The following LYPLAL1 variants were observed in gnomAD, a reference collection of about 807,000 sequenced individuals.
LYPLAL1 encodes the protein lysophospholipase-like protein 1.
In LYPLAL1, 23 loss-of-function variants were observed where a neutral mutation model predicts 19.7. The observed-to-expected ratio is 1.17, with a 90% CI of 0.84 to 1.65. The LOEUF is 1.65. LYPLAL1 is among the 40% of genes most tolerant of loss of function. LYPLAL1 has a pLI of 0.00. For synonymous variants in LYPLAL1, 119 were observed against 96.3 expected (o/e 1.24, Z -1.38); for missense variants, 355 against 279.4 (o/e 1.27, Z -1.93).
chr1:219,323,060 AACT>A, the LYPLAL1 span, among the ~76,000 whole-genome samples: 1 of 152,208 alleles, frequency 6.6e-6, no homozygotes, highest in Non-Finnish European at 1.5e-5. Context: ...AAGCAAGCAC[AACT>A]ATTTAGCTAA....
Position 219,211,573 on chromosome 1 carries a change from G to A in LYPLAL1, c.559G>A (p.Ala187Thr), listed in dbSNP as rs965924456. The stretch of plus-strand genomic sequence containing the variant: ...AGATGAGTTAGTTCTTCATTCTTGG[G>A]CAGAAGAGACAAACTCAATGTTAAA... ...TADELVLHSW[A>T]EETNSMLKSL... Residue 187 changes from alanine (A) to threonine (T), a missense_variant, in exon 5 of 5, where the codon GCA (alanine) becomes ACA (threonine). By Grantham distance (58) the Ala-to-Thr change is moderately conservative. Transcript: ENST00000366928. The A allele has an allele frequency of 1.9e-6, 3 of 1,613,138 alleles. No homozygotes were observed. The highest frequency in any genetic ancestry group is 2.7e-5 in the African/African-American group (2 of 74,870).
chr1:219,174,950 A>G (rs1655690083), intron 1 of LYPLAL1: 4 of 985,472 alleles, frequency 4.1e-6, no homozygotes, highest in Non-Finnish European at 4.8e-6. Context: ...GTGGTTAGGC[A>G]TTATTAAGGC....
chr1:219,387,903 C>T, the LYPLAL1 span, among the ~76,000 whole-genome samples: 9 of 152,256 alleles, frequency 5.9e-5, no homozygotes, highest in African/African-American at 2.2e-4. Flanking sequence ...TGAAAAATGA[C>T]CTAGATTCGG....
At chr1:219,443,085 A>G in the LYPLAL1 span, among the ~76,000 whole-genome samples, 3 of 99,672 alleles carry the variant, frequency 3.0e-5, no homozygotes, top group East Asian at 2.7e-4. Flanking sequence ...TTTCTGCTGG[A>G]AAAAAAAAAA....
chr1:219,327,826 C>T, the LYPLAL1 span, among the ~76,000 whole-genome samples: 54 of 152,182 alleles, frequency 3.5e-4, no homozygotes, highest in South Asian at 0.011. Flanking sequence ...TCTCTCTTTG[C>T]CTGCCACCAT....
chr1:219,405,405 T>G, the LYPLAL1 span, among the ~76,000 whole-genome samples: 3 of 152,310 alleles, frequency 2.0e-5, no homozygotes, highest in Non-Finnish European at 4.4e-5. Flanking sequence ...GCATACTCTT[T>G]GAAAATTTCA....
chr1:219,442,863 AT>A, the LYPLAL1 span, among the ~76,000 whole-genome samples: 1 of 152,112 alleles, frequency 6.6e-6, no homozygotes, highest in African/African-American at 2.4e-5. Flanking sequence ...GGTGATTTTT[AT>A]CTTCCGACTT....
At chr1:219,195,557 C>T (rs765012124) in intron 3 of LYPLAL1, among the ~76,000 whole-genome samples, 6 of 152,098 alleles carry the variant, frequency 3.9e-5, no homozygotes, top group Non-Finnish European at 8.8e-5. Flanking sequence ...TCTCTTGCCC[C>T]ATCCTCTCTC....
downstream of LYPLAL1, among the ~76,000 whole-genome samples, chr1:219,213,278 T>A (rs1005456368): frequency 2.6e-5 from 4 of 152,026 alleles, no homozygotes; most frequent in Admixed American, 1.3e-4. Context: ...TTCCATTGAT[T>A]TATGTATCCA....
the LYPLAL1 span, among the ~76,000 whole-genome samples, chr1:219,339,913 A>G: frequency 6.6e-6 from 1 of 152,158 alleles, no homozygotes; most frequent in African/African-American, 2.4e-5. Context: ...ACATATTGGC[A>G]AGAACTTGAG....
At chr1:219,248,377 G>C in the LYPLAL1 span, among the ~76,000 whole-genome samples, 3 of 152,102 alleles carry the variant, frequency 2.0e-5, no homozygotes, top group Non-Finnish European at 4.4e-5. Flanking sequence ...TTTTAAAATA[G>C]AAATTAGCAT....
the LYPLAL1 span, among the ~76,000 whole-genome samples, chr1:219,237,408 G>A: frequency 6.6e-5 from 10 of 152,286 alleles, no homozygotes; most frequent in Non-Finnish European, 1.3e-4. Flanking sequence ...AAAAAAGCCT[G>A]GGGAAAAGTT....
the LYPLAL1 span, among the ~76,000 whole-genome samples, chr1:219,423,726 A>C: frequency 6.6e-6 from 1 of 152,168 alleles, no homozygotes; most frequent in Non-Finnish European, 1.5e-5. Context: ...ATATCAAAGC[A>C]TGTTACAAAT....
At chr1:219,435,593 G>A in the LYPLAL1 span, among the ~76,000 whole-genome samples, 1 of 152,044 alleles carries the variant, frequency 6.6e-6, no homozygotes, top group African/African-American at 2.4e-5. Context: ...TTGGGAGGCC[G>A]AGGCAGGCGG....
At chr1:219,263,650 T>TA in the LYPLAL1 span, among the ~76,000 whole-genome samples, 1 of 152,132 alleles carries the variant, frequency 6.6e-6, no homozygotes, top group Non-Finnish European at 1.5e-5. Flanking sequence ...CCCTGTGAGA[T>TA]AGAGTCAGGG....
intron 2 of LYPLAL1, among the ~76,000 whole-genome samples, chr1:219,192,530 C>A (rs1469106449): frequency 6.6e-6 from 1 of 151,644 alleles, no homozygotes; most frequent in Non-Finnish European, 1.5e-5. Flanking sequence ...ATCTTCTGTG[C>A]AACTCTTCCG....
chr1:219,346,091 C>T, the LYPLAL1 span, among the ~76,000 whole-genome samples: 4 of 152,196 alleles, frequency 2.6e-5, no homozygotes, highest in African/African-American at 7.2e-5. Flanking sequence ...GCTTGTTCCT[C>T]ACCTCACAGA....
At chr1:219,282,195 G>A in the LYPLAL1 span, among the ~76,000 whole-genome samples, 2 of 152,046 alleles carry the variant, frequency 1.3e-5, no homozygotes, top group Non-Finnish European at 2.9e-5. Flanking sequence ...AGGATCAGAA[G>A]CAAATAGGAA....
In LYPLAL1 at chr1:219,211,675, T is replaced by C. The variant is rs762368866; in HGVS notation, c.661T>C (p.Leu221=). ...HELSKTELDI[L]KLWILTKLPG... is the part of the protein sequence containing the mutation. ...GCTAAGCAAAACTGAGTTAGACATATTGAAGTTATGGATTCTTACAAAGCT... is the reference window on the plus strand; with the variant it reads ...GCTAAGCAAAACTGAGTTAGACATACTGAAGTTATGGATTCTTACAAAGCT... Residue 221 remains leucine, a synonymous_variant, in exon 5 of 5, where the codon TTG becomes CTG. Transcript: ENST00000366928. 6.8e-6 allele frequency: 11 copies of C among 1,612,834 alleles called. No homozygotes were observed. The Admixed American group carries it at 1.8e-4, about 27-fold the overall frequency.
Sources: allele counts gnomAD v4.1 joint callset (sites outside exome capture counted in the v4.1 genomes callset), GRCh38; gene constraint gnomAD v4.1.1; transcripts MANE v1.5; gene names NCBI Gene and HGNC (gene_info 2026-07-23, HGNC 2026-07-21).